TEK: variants seen among roughly 807,000 people sequenced by gnomAD.
TEK encodes angiopoietin-1 receptor.
Under a neutral mutation model 131.8 loss-of-function variants are expected in TEK, and 43 were observed. That is an observed-to-expected ratio of 0.33 (90% CI 0.26 to 0.42). The LOEUF (loss-of-function observed/expected upper bound fraction) is 0.42, where lower values mean the gene tolerates loss of function less well. Among genes scored for constraint, TEK ranks in the 10% least tolerant of loss-of-function variants. The probability of loss-of-function intolerance (pLI) is 1.00; values close to 1 mark genes in which losing one functional copy is unlikely to be tolerated. For synonymous variants in TEK, 580 were observed against 491.6 expected (o/e 1.18, Z -2.38); for missense variants, 1,162 against 1,384.4 (o/e 0.84, Z 2.55).
intron 1 of TEK, among the ~76,000 whole-genome samples, chr9:27,140,520 A>G (rs1033870590): frequency 6.6e-6 from 1 of 152,140 alleles, no homozygotes; most frequent in Non-Finnish European, 1.5e-5. Context: ...AGGATTGCCA[A>G]GAGTCCTTTT....
intron 21 of TEK, among the ~76,000 whole-genome samples, chr9:27,226,983 C>T (rs999993127): frequency 7.3e-6 from 1 of 136,336 alleles, no homozygotes; most frequent in African/African-American, 2.8e-5. Flanking sequence ...GCATACATAC[C>T]ATCCTGGAAA....
At chr9:27,177,182 A>G (rs1231405997) in intron 6 of TEK, among the ~76,000 whole-genome samples, 1 of 152,176 alleles carries the variant, frequency 6.6e-6, no homozygotes, top group African/African-American at 2.4e-5. Flanking sequence ...TGAGATAGTG[A>G]TTTCATTTCT....
chr9:27,191,649 G>A (rs1824827733), intron 10 of TEK, among the ~76,000 whole-genome samples: 1 of 151,974 alleles, frequency 6.6e-6, no homozygotes, highest in South Asian at 2.1e-4. Flanking sequence ...GCTGACCTGG[G>A]TAGACCGAAT....
intron 1 of TEK, among the ~76,000 whole-genome samples, chr9:27,157,023 G>A (rs1823358362): frequency 6.6e-6 from 1 of 152,156 alleles, no homozygotes; most frequent in South Asian, 2.1e-4. Flanking sequence ...AAGAGAAATA[G>A]TGAGAAAATA....
chr9:27,204,854 G>T, intron 13 of TEK, 57 bp from the exon 14 acceptor site: 3 of 1,609,244 alleles, frequency 1.9e-6, no homozygotes, highest in Non-Finnish European at 2.5e-6. Context: ...CATACGGTGT[G>T]GGTCTGTTTC....
In TEK at chr9:27,172,746, G is replaced by C. The variant is rs1824005212; in HGVS notation, c.759G>C (p.Lys253Asn). 1 of 1,613,400 alleles carries C rather than the reference G, an allele frequency of 6.2e-7. No individual in the cohort carries two copies. Among genetic ancestry groups the C allele is most frequent in the Non-Finnish European group, 8.5e-7 (1 of 1,179,528 alleles). ...GGTTTATGGGAAGGACGTGTGAGAA[G>C]GGTAAGTAAAGAGACTTGATAAGTA... is the stretch of plus-strand genomic sequence containing the variant. ...PPGFMGRTCE[K>N]ACELHTFGRT... The change falls in exon 5 of 23, where the codon AAG (lysine) becomes AAC (asparagine). Residue 253 changes from lysine (K) to asparagine (N), a missense_variant and splice_region_variant. Transcript: ENST00000380036.
At chr9:27,193,268 A>G (rs1220142078) in intron 11 of TEK, among the ~76,000 whole-genome samples, 1 of 152,122 alleles carries the variant, frequency 6.6e-6, no homozygotes, top group African/African-American at 2.4e-5. Context: ...CTAAGTGTCC[A>G]TCAGAATCAC....
rs144348052 is a variant in TEK at position 27,157,990 on chromosome 9, C to T, written c.212C>T (p.Pro71Leu). 21 of 1,613,898 alleles carry T rather than the reference C, an allele frequency of 1.3e-5. No individual in the cohort carries two copies. The highest frequency in any genetic ancestry group is 4.5e-5 in the East Asian group (2 of 44,870). Reference protein sequence around the residue: ...FEALMNQHQDPLEVTQDVTRE... With the variant: ...FEALMNQHQDLLEVTQDVTRE... Reference sequence around the variant, plus strand: ...GCCTTAATGAACCAGCACCAGGATCCGCTGGAAGTTACTCAAGATGTGACC... The same window carrying T: ...GCCTTAATGAACCAGCACCAGGATCTGCTGGAAGTTACTCAAGATGTGACC... The change falls in exon 2 of 23, where the codon CCG becomes CTG. Residue 71 changes from proline to leucine, a missense_variant. Pro to Leu is a moderately conservative substitution (Grantham distance 98). Coordinates refer to ENST00000380036, the MANE Select transcript of TEK (RefSeq NM_000459.5).
At chr9:27,121,021 T>A (rs1821762089) in intron 1 of TEK, among the ~76,000 whole-genome samples, 1 of 152,244 alleles carries the variant, frequency 6.6e-6, no homozygotes, top group Admixed American at 6.5e-5. Context: ...GAAGAAATGC[T>A]TTAATAAATA....
intron 1 of TEK, among the ~76,000 whole-genome samples, chr9:27,149,142 A>G (rs889648482): frequency 6.6e-6 from 1 of 152,196 alleles, no homozygotes; most frequent in Admixed American, 6.6e-5. Context: ...TCATTCATCA[A>G]TGTTTATGGA....
At chr9:27,170,514 A>C (rs1187787662) in intron 4 of TEK, among the ~76,000 whole-genome samples, 6 of 152,200 alleles carry the variant, frequency 3.9e-5, no homozygotes, top group Non-Finnish European at 7.3e-5. Flanking sequence ...AGTTCTAGCT[A>C]TTTGACAGGT....
At chr9:27,209,281 C>A (rs368628122) in intron 16 of TEK, 50 bp downstream of exon 16, 91 of 1,285,892 alleles carry the variant, frequency 7.1e-5, no homozygotes, top group Middle Eastern at 5.5e-4. Flanking sequence ...ATAAAACAGA[C>A]AAATTCCATA....
At chr9:27,141,502 T>C (rs1023002827) in intron 1 of TEK, among the ~76,000 whole-genome samples, 8 of 152,154 alleles carry the variant, frequency 5.3e-5, no homozygotes, top group Admixed American at 5.2e-4. Flanking sequence ...AAATCTGAGA[T>C]ATATGTTACT....
At chr9:27,137,484 C>A (rs1199859094) in intron 1 of TEK, among the ~76,000 whole-genome samples, 1 of 151,828 alleles carries the variant, frequency 6.6e-6, no homozygotes, top group African/African-American at 2.4e-5. Flanking sequence ...TAATTTAAAA[C>A]AAAGTTCTTA....
intron 2 of TEK, among the ~76,000 whole-genome samples, chr9:27,166,877 A>G (rs906738224): frequency 5.9e-5 from 9 of 151,854 alleles, no homozygotes; most frequent in Non-Finnish European, 2.9e-5. Context: ...TCTTTTCCAC[A>G]CCATGATTTT....
chr9:27,122,839 G>A (rs958759774), intron 1 of TEK, among the ~76,000 whole-genome samples: 2 of 151,924 alleles, frequency 1.3e-5, no homozygotes, highest in Non-Finnish European at 2.9e-5. Context: ...AGATCACGAG[G>A]TCAGGAGATC....
At chr9:27,171,702 C>T (rs1181985978) in intron 4 of TEK, among the ~76,000 whole-genome samples, 1 of 152,098 alleles carries the variant, frequency 6.6e-6, no homozygotes, top group Non-Finnish European at 1.5e-5. Flanking sequence ...GTCAGAGCAG[C>T]CTTTTTGTAA....
At chr9:27,145,839 C>T (rs1278751436) in intron 1 of TEK, among the ~76,000 whole-genome samples, 1 of 152,146 alleles carries the variant, frequency 6.6e-6, no homozygotes, top group East Asian at 1.9e-4. Context: ...TTAATTAGAA[C>T]AATGTCATTA....
chr9:27,132,754 G>C (rs1486020069), intron 1 of TEK, among the ~76,000 whole-genome samples: 1 of 152,118 alleles, frequency 6.6e-6, no homozygotes, highest in Non-Finnish European at 1.5e-5. Context: ...GGAAAATGTA[G>C]ACATACAGAA....
Sources: allele counts gnomAD v4.1 joint callset (sites outside exome capture counted in the v4.1 genomes callset), GRCh38; gene constraint gnomAD v4.1.1; transcripts MANE v1.5; gene names NCBI Gene and HGNC (gene_info 2026-07-23, HGNC 2026-07-21).